The following TET1 variants were observed in gnomAD, a reference collection of about 807,000 sequenced individuals.
The protein encoded by TET1 is tet methylcytosine dioxygenase 1.
TET1 carries 13 observed loss-of-function variants against 148.7 expected under a neutral mutation model. That is an observed-to-expected ratio of 0.09 (90% CI 0.06 to 0.14). The LOEUF is 0.14. Among genes scored for constraint, TET1 ranks in the 10% least tolerant of loss-of-function variants. TET1 has a pLI of 1.00. For missense variants in TET1, 2,182 were observed against 2,553.8 expected (o/e 0.85, Z 3.14); for synonymous variants, 907 against 937.2 (o/e 0.97, Z 0.59).
chr10:68,676,248 ATATATATATATATATATATATTTTTTTT>A (rs1450419229), intron 8 of TET1, among the ~76,000 whole-genome samples: 5 of 20,746 alleles, frequency 2.4e-4, no homozygotes, highest in Non-Finnish European at 3.0e-4. Flanking sequence ...ATATATATAT[ATATATATATATATATATATATTTTTTTT>A]TTTTTTTTTT....
At chr10:68,569,899 T>C (rs2053648160) in intron 1 of TET1, among the ~76,000 whole-genome samples, 1 of 152,172 alleles carries the variant, frequency 6.6e-6, no homozygotes, top group Admixed American at 6.5e-5. Flanking sequence ...AAATCATTTG[T>C]TGTAGCAATT....
intron 1 of TET1, among the ~76,000 whole-genome samples, chr10:68,568,217 CTTTTTTT>C (rs566751115): frequency 4.3e-5 from 4 of 93,810 alleles, no homozygotes; most frequent in Non-Finnish European, 6.2e-5. Flanking sequence ...CGCGCCCAGT[CTTTTTTT>C]TTTTTTTTTT....
At position 68,682,982 on chromosome 10, in the gene TET1, C is replaced by T. The variant is rs528402064; in HGVS notation, c.5052+9C>T. 9.9e-6 allele frequency: 16 copies of T among 1,612,244 alleles called. No individual in the cohort carries two copies. The South Asian group carries it at 1.7e-4, about 17-fold the overall frequency. On this transcript the variant is annotated intron_variant, in intron 10 of 11. Coordinates refer to ENST00000373644, the MANE Select transcript of TET1 (RefSeq NM_030625.3). ...ATAATGGAAGCACTGTGGTATGTAC[C>T]TGTGTGAATTTGTATTCTAAAAGCT...
chr10:68,632,350 TG>T, intron 3 of TET1: 1 of 1,578,526 alleles, frequency 6.3e-7, no homozygotes, highest in Non-Finnish European at 8.7e-7. Context: ...GCAGGGCGGG[TG>T]GAGTCGCGGA....
intron 11 of TET1, among the ~76,000 whole-genome samples, chr10:68,689,782 A>AG (rs1218149540): frequency 6.6e-6 from 1 of 151,694 alleles, no homozygotes; most frequent in Non-Finnish European, 1.5e-5. Flanking sequence ...CCATCTCAAA[A>AG]AAAAAAAAGA....
At chr10:68,649,605 C>CAAA (rs557761071) in intron 4 of TET1, among the ~76,000 whole-genome samples, 4 of 80,244 alleles carry the variant, frequency 5.0e-5, no homozygotes, top group African/African-American at 1.5e-4. Flanking sequence ...GACTCTGTCT[C>CAAA]AAAAAAAAAA....
In TET1 at chr10:68,652,612, A is replaced by G. The variant is rs1589113582; in HGVS notation, c.4461+18A>G. On this transcript the variant is annotated intron_variant, in intron 6 of 11. Coordinates refer to ENST00000373644, the MANE Select transcript of TET1 (RefSeq NM_030625.3). ...CTAAGTGGGTAAGTATTTCCTATTT[A>G]TACATTTTTTTGAAGCTTGTTATTC... The G allele has an allele frequency of 1.3e-6, 2 of 1,573,008 alleles. No homozygotes were observed. The highest frequency in any genetic ancestry group is 1.7e-6 in the Non-Finnish European group (2 of 1,149,134).
intron 3 of TET1, among the ~76,000 whole-genome samples, chr10:68,620,188 T>C (rs868593249): frequency 1.7e-4 from 26 of 152,196 alleles, no homozygotes; most frequent in African/African-American, 6.3e-4. Flanking sequence ...GTCTCAAAAA[T>C]AAATAAATAA....
intron 10 of TET1, among the ~76,000 whole-genome samples, chr10:68,686,008 G>A (rs2055503623): frequency 6.6e-6 from 1 of 152,080 alleles, no homozygotes; most frequent in South Asian, 2.1e-4. Context: ...TACTTAATAT[G>A]AACACAATAA....
At chr10:68,611,644 C>CCAAG (rs2054212259) in intron 3 of TET1, among the ~76,000 whole-genome samples, 1 of 131,486 alleles carries the variant, frequency 7.6e-6, no homozygotes, top group Admixed American at 7.8e-5. Flanking sequence ...TTGTCAGAGA[C>CCAAG]CCTTTCTTTC....
intron 2 of TET1, among the ~76,000 whole-genome samples, chr10:68,596,142 G>C (rs931625634): frequency 2.0e-5 from 3 of 149,172 alleles, no homozygotes; most frequent in Admixed American, 6.8e-5. Context: ...GGGTTCAAGC[G>C]ATTCTCCTGC....
intron 11 of TET1, among the ~76,000 whole-genome samples, chr10:68,690,042 A>G (rs903175067): frequency 6.6e-6 from 1 of 152,204 alleles, no homozygotes; most frequent in Non-Finnish European, 1.5e-5. Context: ...TTTGTTACCT[A>G]GAAATATTTA....
chr10:68,621,333 C>T (rs1310183347), intron 3 of TET1, among the ~76,000 whole-genome samples: 1 of 152,112 alleles, frequency 6.6e-6, no homozygotes, highest in Non-Finnish European at 1.5e-5. Context: ...ACCTACACCT[C>T]TTGGGTTCAA....
chr10:68,683,240 G>A (rs148039134), intron 10 of TET1, among the ~76,000 whole-genome samples: 2 of 152,186 alleles, frequency 1.3e-5, no homozygotes, highest in East Asian at 3.9e-4. Context: ...TAATTGTTGT[G>A]TTTTTGCTGG....
intron 2 of TET1, among the ~76,000 whole-genome samples, chr10:68,590,194 C>G (rs2053903587): frequency 1.3e-5 from 2 of 152,078 alleles, no homozygotes. Flanking sequence ...CTCATTGCAG[C>G]TTCGACCTCC....
At chr10:68,687,196 C>G (rs2055526572) in intron 11 of TET1, among the ~76,000 whole-genome samples, 1 of 149,850 alleles carries the variant, frequency 6.7e-6, no homozygotes, top group Non-Finnish European at 1.5e-5. Context: ...AGCCACCGCG[C>G]CCGGCCTACT....
chr10:68,657,029 A>AAAG (rs2055032880), intron 6 of TET1, among the ~76,000 whole-genome samples: 2 of 149,640 alleles, frequency 1.3e-5, no homozygotes, highest in African/African-American at 4.9e-5. Flanking sequence ...AGCTCCAAAA[A>AAAG]AAAAAAAAAA....
At position 68,638,157 on chromosome 10, in the gene TET1, C is replaced by A. The variant is rs2054683346; in HGVS notation, c.1969-6541C>A. On this transcript the variant is annotated intron_variant, in intron 3 of 11. Coordinates refer to ENST00000373644, the MANE Select transcript of TET1 (RefSeq NM_030625.3). ...CACTGTATGGTGGTTGGTTGCAGAA[C>A]AGGGCCTGACCTCTATACTTCTTAG... 3.9e-5 allele frequency among the ~76,000 whole-genome samples: 6 copies of A among 152,120 alleles called. No homozygotes were observed. In the South Asian group the frequency reaches 1.0e-3, roughly 26 times the overall value.
Position 68,667,329 on chromosome 10 carries a change from A to ACCAACTATG in TET1, c.4673+74_4673+82dup. On this transcript the variant is annotated intron_variant, in intron 7 of 11. Coordinates refer to ENST00000373644, the MANE Select transcript of TET1 (RefSeq NM_030625.3). ...ATATTGGTAAAATTGTTAATTAGCT[A>ACCAACTATG]CCAACTATGTATATTATATGGGAGA... 4.1e-6 allele frequency: 5 copies of ACCAACTATG among 1,233,906 alleles called. No individual in the cohort carries two copies. In the South Asian group the frequency reaches 4.4e-5, roughly 11 times the overall value. The allele number at this position is 1,233,906 out of a possible 1,614,324, so 76.4% of individuals were successfully genotyped here.
Sources: gnomAD v4.1 joint callset for allele counts (sites outside exome capture counted in the v4.1 genomes callset) on GRCh38, gnomAD v4.1.1 for gene constraint, MANE v1.5 for transcripts, NCBI Gene and HGNC (gene_info 2026-07-23, HGNC 2026-07-21) for gene names.